PAK1: variants seen among roughly 807,000 people sequenced by gnomAD.
PAK1 encodes serine/threonine-protein kinase PAK 1.
A neutral mutation model predicts 67.4 loss-of-function variants in PAK1; 29 were observed. That is an observed-to-expected ratio of 0.43 (90% confidence interval 0.32 to 0.59). The LOEUF (loss-of-function observed/expected upper bound fraction) is 0.59, where lower values mean the gene tolerates loss of function less well. Ranked by LOEUF, PAK1 falls within the 20% of genes least tolerant of loss-of-function variation. PAK1 has a pLI of 0.07. For synonymous variants in PAK1, 223 were observed against 237.4 expected, an observed-to-expected ratio of 0.94 and a Z score of 0.56; for missense variants, 337 against 670.7, an observed-to-expected ratio of 0.50 and a Z score of 5.50.
At chr11:77,454,988 TTCTC>T (rs1052641054) in intron 1 of PAK1, among the ~76,000 whole-genome samples, 3 of 150,818 alleles carry the variant, frequency 2.0e-5, no homozygotes, top group Non-Finnish European at 4.4e-5. Flanking sequence ...CTCTCTCCCT[TTCTC>T]TCTCTCTCTC....
chr11:77,510,419 C>T, the PAK1 span, among the ~76,000 whole-genome samples: 3 of 152,124 alleles, frequency 2.0e-5, no homozygotes, highest in Admixed American at 6.5e-5. Context: ...TTAGTAGAGA[C>T]GGGGTTTCAC....
At chr11:77,437,021 C>T (rs113744012) in intron 1 of PAK1, among the ~76,000 whole-genome samples, 4,891 of 152,200 alleles carry the variant, frequency 0.032, 132 homozygotes, top group African/African-American at 0.074. Flanking sequence ...TTTCACAGTA[C>T]TGTTCTGAGG....
chr11:77,331,456 T>TA (rs770166026), intron 14 of PAK1, among the ~76,000 whole-genome samples: 17 of 152,272 alleles, frequency 1.1e-4, no homozygotes, highest in East Asian at 7.7e-4. Context: ...TATGCAGCCA[T>TA]AAAAAATGAT....
At chr11:77,333,864 A>G (rs1942179691) in intron 13 of PAK1, among the ~76,000 whole-genome samples, 1 of 152,146 alleles carries the variant, frequency 6.6e-6, no homozygotes, top group Non-Finnish European at 1.5e-5. Flanking sequence ...GGAAACATAA[A>G]AAGATATGTC....
At chr11:77,514,716 C>T in the PAK1 span, among the ~76,000 whole-genome samples, 2 of 152,214 alleles carry the variant, frequency 1.3e-5, no homozygotes, top group African/African-American at 4.8e-5. Flanking sequence ...TGGGCAGGGA[C>T]TGTCTCGTTC....
chr11:77,387,509 C>T (rs1176288925), intron 2 of PAK1, among the ~76,000 whole-genome samples: 3 of 152,234 alleles, frequency 2.0e-5, no homozygotes, highest in Non-Finnish European at 4.4e-5. Context: ...CCACTTTCCA[C>T]TTGTGAGACC....
At chr11:77,467,088 A>T (rs1048481863) in intron 1 of PAK1, among the ~76,000 whole-genome samples, 1 of 152,226 alleles carries the variant, frequency 6.6e-6, no homozygotes, top group Non-Finnish European at 1.5e-5. Context: ...GGGCTCCCCA[A>T]ACAGGCTCTC....
At chr11:77,501,654 C>T in the PAK1 span, among the ~76,000 whole-genome samples, 1 of 152,114 alleles carries the variant, frequency 6.6e-6, no homozygotes, top group Admixed American at 6.5e-5. Flanking sequence ...AGACTCTTGC[C>T]CCCAGGGTCT....
At chr11:77,513,045 G>A in the PAK1 span, among the ~76,000 whole-genome samples, 2 of 152,252 alleles carry the variant, frequency 1.3e-5, no homozygotes, top group Admixed American at 1.3e-4. Flanking sequence ...AGCTATGATG[G>A]CGCCACTGCA....
intron 1 of PAK1, among the ~76,000 whole-genome samples, chr11:77,405,676 C>CACAGACAGACAGACAG: frequency 1.3e-5 from 1 of 76,142 alleles, no homozygotes; most frequent in South Asian, 5.8e-4. Flanking sequence ...GACAGACAGA[C>CACAGACAGACAGACAG]ACACACACAC....
At chr11:77,469,041 C>T (rs941505012) in intron 1 of PAK1, among the ~76,000 whole-genome samples, 1 of 152,118 alleles carries the variant, frequency 6.6e-6, no homozygotes, top group Admixed American at 6.5e-5. Flanking sequence ...CTTCACCAAG[C>T]CTTCTAATAC....
intron 1 of PAK1, among the ~76,000 whole-genome samples, chr11:77,428,589 T>C (rs1250384365): frequency 7.3e-6 from 1 of 137,146 alleles, no homozygotes; most frequent in Admixed American, 7.2e-5. Flanking sequence ...AAAAAAAAAG[T>C]CTAGTTAAGA....
At chr11:77,337,279 C>T (rs1226725030) in intron 12 of PAK1, 45 bp downstream of exon 12, 7 of 958,902 alleles carry the variant, frequency 7.3e-6, no homozygotes, top group Admixed American at 2.0e-5. Flanking sequence ...GGAGACAGGG[C>T]CCCACAGGCA....
chr11:77,390,906 T>C lies in PAK1; in HGVS notation c.190+1425A>G, dbSNP rs533779123. On this transcript the variant is annotated intron_variant, in intron 2 of 14. Transcript: ENST00000356341. ...CCAATGTACTCATTAAAAGTCCTTATTATTTCTCATTTCACTTGTACGACA... is the reference window on the plus strand; with the variant it reads ...CCAATGTACTCATTAAAAGTCCTTACTATTTCTCATTTCACTTGTACGACA... 3.3e-5 allele frequency among the ~76,000 whole-genome samples: 5 copies of C among 152,304 alleles called. No homozygotes were observed. The South Asian group carries it at 1.0e-3, about 32-fold the overall frequency.
chr11:77,506,134 T>C, the PAK1 span, among the ~76,000 whole-genome samples: 10 of 152,226 alleles, frequency 6.6e-5, no homozygotes, highest in Admixed American at 5.9e-4. Flanking sequence ...ACATTTACAA[T>C]GGGCCAGGCA....
At chr11:77,379,539 CTTTTATA>C in intron 3 of PAK1, 151 bp from the exon 4 acceptor site, 1 of 660,074 alleles carries the variant, frequency 1.5e-6, no homozygotes, top group South Asian at 2.1e-5. Context: ...ACACAAGCCT[CTTTTATA>C]ATATCTTTCT....
At chr11:77,426,409 A>G (rs1295678207) in intron 1 of PAK1, among the ~76,000 whole-genome samples, 1 of 152,172 alleles carries the variant, frequency 6.6e-6, no homozygotes, top group Non-Finnish European at 1.5e-5. Context: ...ACCCTACAAG[A>G]ATCATATCAT....
In PAK1 at chr11:77,473,613, A is replaced by T. The variant is rs115790932; in HGVS notation, c.-83T>A. ...CTCCTCCCGGCGGTGGGTGCCGCCTAGCCGGGAGTGAGGGCGCGAGTGTGC... is the reference window on the plus strand; with the variant it reads ...CTCCTCCCGGCGGTGGGTGCCGCCTTGCCGGGAGTGAGGGCGCGAGTGTGC... On this transcript the variant is annotated 5_prime_UTR_variant, in exon 1 of 15. Transcript: ENST00000356341. 6.6e-6 allele frequency: 1 copy of T among 152,616 alleles called. No homozygotes were observed. 9.5% of individuals were successfully genotyped at this position (152,616 alleles called of 1,614,324 possible).
intron 5 of PAK1, among the ~76,000 whole-genome samples, chr11:77,365,853 A>G (rs1471337492): frequency 1.3e-5 from 2 of 152,116 alleles, no homozygotes; most frequent in Non-Finnish European, 2.9e-5. Context: ...AAAGAAAAAA[A>G]AAAAAATAAC....
Sources: allele counts gnomAD v4.1 joint callset (sites outside exome capture counted in the v4.1 genomes callset), GRCh38; gene constraint gnomAD v4.1.1; transcripts MANE v1.5; gene names NCBI Gene and HGNC (gene_info 2026-07-23, HGNC 2026-07-21).